The following NFIB variants were observed in gnomAD, a reference collection of about 807,000 sequenced individuals.
NFIB encodes the protein nuclear factor I B.
NFIB carries 11 observed loss-of-function variants against 61.5 expected under a neutral mutation model. The observed-to-expected ratio is 0.18, with a 90% CI of 0.11 to 0.30. The LOEUF (loss-of-function observed/expected upper bound fraction) is 0.30. NFIB is among the 10% of genes least tolerant of loss of function. The pLI, the probability that NFIB is intolerant of heterozygous loss-of-function variation, is 1.00. For missense variants in NFIB, 471 were observed against 608.9 expected, an observed-to-expected ratio of 0.77 and a Z score of 2.38; for synonymous variants, 260 against 216.5, an observed-to-expected ratio of 1.20 and a Z score of -1.76.
At chr9:14,530,888 G>A in the NFIB span, among the ~76,000 whole-genome samples, 2 of 151,452 alleles carry the variant, frequency 1.3e-5, no homozygotes, top group Non-Finnish European at 2.9e-5. Flanking sequence ...GACAGAAAAG[G>A]AAAGGGGCAA....
chr9:14,143,991 AGTGTGTGTGTGTGT>A lies in NFIB; in HGVS notation c.925+2684_925+2697del, dbSNP rs141101627. ...AGGGTCTTCAGAATTAAAGTGACAGAGTGTGTGTGTGTGTGTGTGTGTGTGTGTGTGTGTGTGTG... is the reference window on the plus strand; with the variant it reads ...AGGGTCTTCAGAATTAAAGTGACAGAGTGTGTGTGTGTGTGTGTGTGTGTG... On this transcript the variant is annotated intron_variant, in intron 6 of 10. Transcript: ENST00000380953. 5.1e-3 allele frequency among the ~76,000 whole-genome samples: 679 copies of A among 134,228 alleles called. 5 individuals carry two copies. The highest frequency in any genetic ancestry group is 6.4e-3 in the Non-Finnish European group (405 of 63,304). 88.1% of individuals were successfully genotyped at this position (134,228 alleles called of 152,430 possible). A position where few individuals can be genotyped will look rare whatever the true frequency, so the allele number is the denominator to read the frequency against.
chr9:14,181,203 C>G (rs1318223510), intron 2 of NFIB, among the ~76,000 whole-genome samples: 1 of 152,156 alleles, frequency 6.6e-6, no homozygotes, highest in African/African-American at 2.4e-5. Flanking sequence ...AGATTTAATG[C>G]TGAAATCAGA....
chr9:14,310,255 CT>C (rs936423394), intron 1 of NFIB, among the ~76,000 whole-genome samples: 1 of 151,976 alleles, frequency 6.6e-6, no homozygotes, highest in Non-Finnish European at 1.5e-5. Flanking sequence ...AAAACATGCT[CT>C]TTTTTTTGAG....
At chr9:14,404,862 C>G in the NFIB span, among the ~76,000 whole-genome samples, 3 of 152,170 alleles carry the variant, frequency 2.0e-5, no homozygotes, top group Non-Finnish European at 4.4e-5. Context: ...GTGGTGCAAG[C>G]TTCCGTGTCC....
intron 2 of NFIB, among the ~76,000 whole-genome samples, chr9:14,216,540 CTCCCTCTGTGTGTG>C (rs1209627122): frequency 4.4e-4 from 13 of 29,370 alleles, no homozygotes; most frequent in East Asian, 2.2e-3. Context: ...CTCTCTCTCT[CTCCCTCTGTGTGTG>C]TGTGTGTGTG....
At chr9:14,167,131 T>C (rs2044931667) in intron 3 of NFIB, among the ~76,000 whole-genome samples, 1 of 150,636 alleles carries the variant, frequency 6.6e-6, no homozygotes, top group Non-Finnish European at 1.5e-5. Flanking sequence ...TGTAAACTAA[T>C]TGGAAGAGAC....
intron 1 of NFIB, among the ~76,000 whole-genome samples, chr9:14,370,865 C>T (rs964375653): frequency 7.9e-5 from 12 of 152,146 alleles, no homozygotes; most frequent in Non-Finnish European, 1.5e-4. Flanking sequence ...GAGGCCGAGG[C>T]GGGTGGATCA....
chr9:14,146,576 G>GA, intron 6 of NFIB, 113 bp downstream of exon 6: 14 of 1,441,072 alleles, frequency 9.7e-6, no homozygotes, highest in Admixed American at 2.0e-5. Flanking sequence ...ATCATTTTAT[G>GA]AAAAAAATAT....
intron 1 of NFIB, among the ~76,000 whole-genome samples, chr9:14,310,491 A>G (rs1374544891): frequency 6.6e-6 from 1 of 152,200 alleles, no homozygotes; most frequent in East Asian, 1.9e-4. Context: ...GTAACACTAG[A>G]GTCTTAAAGA....
intron 3 of NFIB, among the ~76,000 whole-genome samples, chr9:14,167,477 G>C (rs1032482611): frequency 6.6e-6 from 1 of 152,130 alleles, no homozygotes; most frequent in Non-Finnish European, 1.5e-5. Flanking sequence ...GGGTTGCAAT[G>C]AGCCAAGATC....
intron 1 of NFIB, among the ~76,000 whole-genome samples, chr9:14,321,261 G>C (rs185619607): frequency 1.3e-5 from 2 of 152,056 alleles, no homozygotes; most frequent in East Asian, 1.9e-4. Context: ...AAAATCGGCA[G>C]CAAAAATAGC....
At chr9:14,461,712 A>G in the NFIB span, among the ~76,000 whole-genome samples, 1 of 152,120 alleles carries the variant, frequency 6.6e-6, no homozygotes, top group African/African-American at 2.4e-5. Context: ...AATTCCATCT[A>G]TTCAGCTTAT....
the NFIB span, among the ~76,000 whole-genome samples, chr9:14,514,816 C>T: frequency 1.3e-5 from 2 of 152,058 alleles, no homozygotes; most frequent in African/African-American, 2.4e-5. Context: ...TATACCAATG[C>T]GTGGGTCTTC....
chr9:14,385,950 T>C (rs1437020585), intron 1 of NFIB, among the ~76,000 whole-genome samples: 1 of 152,092 alleles, frequency 6.6e-6, no homozygotes, highest in Non-Finnish European at 1.5e-5. Context: ...ACCCAGCTAA[T>C]TTTTGTATGT....
chr9:14,259,884 A>C (rs2056587108), intron 2 of NFIB, among the ~76,000 whole-genome samples: 1 of 152,214 alleles, frequency 6.6e-6, no homozygotes, highest in Non-Finnish European at 1.5e-5. Context: ...CAGCCTGGGC[A>C]ACAGAGTGAG....
At chr9:14,422,749 T>G in the NFIB span, among the ~76,000 whole-genome samples, 1 of 152,152 alleles carries the variant, frequency 6.6e-6, no homozygotes, top group African/African-American at 2.4e-5. Context: ...CAGAATCCAG[T>G]GACCACTTCT....
rs1036482592 is a variant in NFIB at position 14,313,821 on chromosome 9, G to C, written c.-310C>G. On this transcript the variant is annotated 5_prime_UTR_variant, in exon 1 of 11. Coordinates refer to ENST00000380953, the MANE Select transcript of NFIB (RefSeq NM_001190737.2). This position sits in a 1 kb window ranked among gnomAD's most constrained non-coding sequence, Gnocchi z 4.5. ...CGCCGGTGTTGGCTGCTTTTCGCCT[G>C]GGTTTGGGGATTTGTTTTCTATTTT... 7.7e-7 allele frequency: 1 copy of C among 1,302,106 alleles called. No individual in the cohort carries two copies. Among genetic ancestry groups the C allele is most frequent in the East Asian group, 3.3e-5 (1 of 30,004 alleles). The allele number at this position is 1,302,106 out of a possible 1,614,324, so 80.7% of individuals were successfully genotyped here.
At chr9:14,421,438 T>C in the NFIB span, among the ~76,000 whole-genome samples, 16 of 152,180 alleles carry the variant, frequency 1.1e-4, no homozygotes, top group Non-Finnish European at 1.9e-4. Context: ...TAAGATAAGA[T>C]GTAAAAGCAG....
intron 2 of NFIB, among the ~76,000 whole-genome samples, chr9:14,214,053 C>A (rs1321477973): frequency 6.6e-6 from 1 of 152,118 alleles, no homozygotes. Context: ...TCTAGCAGAG[C>A]CCTCCTCAAC....
Sources: allele counts gnomAD v4.1 joint callset (sites outside exome capture counted in the v4.1 genomes callset), GRCh38; gene constraint gnomAD v4.1.1; non-coding constraint Gnocchi (gnomAD v3.1); transcripts MANE v1.5; gene names NCBI Gene and HGNC (gene_info 2026-07-23, HGNC 2026-07-21).